Variants in ADRA1A observed in about 807,000 individuals in gnomAD.
ADRA1A encodes adrenoceptor alpha 1A, also known as alpha-1A adrenergic receptor.
A neutral mutation model predicts 29.6 loss-of-function variants in ADRA1A; 31 were observed. That is an observed-to-expected ratio of 1.05 (90% CI 0.79 to 1.41). The LOEUF (loss-of-function observed/expected upper bound fraction) is 1.41. Ranked by LOEUF, ADRA1A falls within the 40% of genes most tolerant of loss-of-function variation. ADRA1A has a pLI of 0.00. For missense variants in ADRA1A, 619 were observed against 601.1 expected (o/e 1.03, Z -0.31); for synonymous variants, 311 against 254.3 (o/e 1.22, Z -2.12).
chr8:26,805,298 T>C lies in ADRA1A; in HGVS notation c.884-34632A>G, dbSNP rs546661903. ...TTATTAATTGTGCTTTCTTACATTTTGAGTGTTATGAGCTAGACAGTAAGT... is the reference window on the plus strand; with the variant it reads ...TTATTAATTGTGCTTTCTTACATTTCGAGTGTTATGAGCTAGACAGTAAGT... On this transcript the variant is annotated intron_variant, in intron 2 of 2. Coordinates refer to ENST00000380573, the MANE Select transcript of ADRA1A (RefSeq NM_000680.4). This position sits in a 1 kb window ranked among gnomAD's most constrained non-coding sequence, Gnocchi z 4.8. 1.8e-4 allele frequency among the ~76,000 whole-genome samples: 28 copies of C among 152,336 alleles called. No individual in the cohort carries two copies. Among genetic ancestry groups the C allele is most frequent in the African/African-American group, 6.3e-4 (26 of 41,572 alleles).
intron 2 of ADRA1A, chr8:26,854,424 G>GT (rs1554512976): frequency 1.1e-5 from 1 of 93,618 alleles, no homozygotes; most frequent in African/African-American, 4.6e-5. Context: ...AAAGCGGGGC[G>GT]GGGGGGGGGA....
chr8:26,758,659 A>G (rs1805329712), intron 2 of ADRA1A, among the ~76,000 whole-genome samples: 1 of 152,190 alleles, frequency 6.6e-6, no homozygotes, highest in African/African-American at 2.4e-5. Context: ...TTCCCAGTCC[A>G]TCATCGGTCT....
chr8:26,759,898 TC>T (rs1805409299), intron 2 of ADRA1A, among the ~76,000 whole-genome samples: 1 of 152,206 alleles, frequency 6.6e-6, no homozygotes, highest in South Asian at 2.1e-4. Flanking sequence ...GATGTGATTT[TC>T]CCCCTGTCAT....
At position 26,864,429 on chromosome 8, in the gene ADRA1A, C is replaced by T; in HGVS notation, c.541G>A (p.Glu181Lys). 3 of 1,613,538 alleles carry T rather than the reference C, an allele frequency of 1.9e-6. No homozygotes were observed. Among genetic ancestry groups the T allele is most frequent in the Non-Finnish European group, 2.5e-6 (3 of 1,180,040 alleles). The change falls in exon 2 of 3, where the codon GAG becomes AAG. Residue 181 changes from glutamate to lysine, a missense_variant. Coordinates refer to ENST00000380573, the MANE Select transcript of ADRA1A (RefSeq NM_000680.4). This position sits in a 1 kb window ranked among gnomAD's most constrained non-coding sequence, Gnocchi z 8.1. Reference protein sequence around the residue: ...EDETICQINEEPGYVLFSALG... With the variant: ...EDETICQINEKPGYVLFSALG... The stretch of plus-strand genomic sequence containing the variant: ...GCTGAGAAGAGCACGTAGCCCGGCT[C>T]CTCGTTGATCTGGCAGATGGTCTCG...
intron 2 of ADRA1A, among the ~76,000 whole-genome samples, chr8:26,795,281 A>C (rs892065723): frequency 6.8e-6 from 1 of 146,068 alleles, no homozygotes; most frequent in Non-Finnish European, 1.5e-5. Context: ...ATGATGAGAC[A>C]ATGTGAGACT....
chr8:26,851,075 T>C (rs17056070), intron 2 of ADRA1A, among the ~76,000 whole-genome samples: 6,482 of 152,030 alleles, frequency 0.043, 232 homozygotes, highest in African/African-American at 0.1. Flanking sequence ...TAATATATAA[T>C]AGGAGGACAA....
At chr8:26,810,326 C>G (rs939127652) in intron 2 of ADRA1A, among the ~76,000 whole-genome samples, 1 of 152,124 alleles carries the variant, frequency 6.6e-6, no homozygotes, top group Non-Finnish European at 1.5e-5. Context: ...TGGGTTTTTT[C>G]CCTTGATCCG....
intron 2 of ADRA1A, among the ~76,000 whole-genome samples, chr8:26,784,000 A>G (rs1807188380): frequency 6.6e-6 from 1 of 151,922 alleles, no homozygotes; most frequent in South Asian, 2.1e-4. Flanking sequence ...CAATGGGGGG[A>G]ACAACATACA....
intron 2 of ADRA1A, among the ~76,000 whole-genome samples, chr8:26,795,254 T>C (rs1262573844): frequency 1.3e-5 from 2 of 151,066 alleles, no homozygotes; most frequent in Non-Finnish European, 2.9e-5. Flanking sequence ...CTAACTTAAA[T>C]GAACAACCAT....
In ADRA1A at chr8:26,865,238, C is replaced by A. The variant is rs909775633; in HGVS notation, c.-269G>T. The A allele has an allele frequency of 2.3e-5, 30 of 1,309,252 alleles. No homozygotes were observed. The highest frequency in any genetic ancestry group is 2.9e-5 in the Non-Finnish European group (30 of 1,029,568). 81.1% of individuals were successfully genotyped at this position (1,309,252 alleles called of 1,614,324 possible). A position where few individuals can be genotyped will look rare whatever the true frequency, so the allele number is the denominator to read the frequency against. On this transcript the variant is annotated 5_prime_UTR_variant, in exon 2 of 3. Coordinates refer to ENST00000380573, the MANE Select transcript of ADRA1A (RefSeq NM_000680.4). This position sits in a 1 kb window ranked among gnomAD's most constrained non-coding sequence, Gnocchi z 7.6. ...CCGGGGACCCTCTCCACCTGCCGGG[C>A]TGGCCTAGCCCGGGACCCGGACTCC...
At chr8:26,801,538 C>G (rs1808578427) in intron 2 of ADRA1A, among the ~76,000 whole-genome samples, 1 of 151,822 alleles carries the variant, frequency 6.6e-6, no homozygotes, top group Admixed American at 6.6e-5. Flanking sequence ...AAATAAAATA[C>G]CTAGGAATAA....
downstream of ADRA1A, chr8:26,766,063 A>G: frequency 6.2e-7 from 1 of 1,613,676 alleles, no homozygotes; most frequent in Non-Finnish European, 8.5e-7. Flanking sequence ...AGCATTCTGA[A>G]CCCTTTCTCC....
chr8:26,807,989 A>G (rs1419829484), intron 2 of ADRA1A, among the ~76,000 whole-genome samples: 1 of 152,196 alleles, frequency 6.6e-6, no homozygotes, highest in Non-Finnish European at 1.5e-5. Context: ...TGCATTCTGC[A>G]CTTATTTTTT....
intron 2 of ADRA1A, among the ~76,000 whole-genome samples, chr8:26,861,312 T>TTG (rs1006779193): frequency 6.0e-5 from 9 of 148,842 alleles, no homozygotes; most frequent in Non-Finnish European, 3.0e-5. Flanking sequence ...TGTTTTTTTT[T>TTG]TTTTTTTTTT....
At chr8:26,788,402 A>C (rs1807564192) in intron 2 of ADRA1A, among the ~76,000 whole-genome samples, 1 of 152,140 alleles carries the variant, frequency 6.6e-6, no homozygotes, top group African/African-American at 2.4e-5. Context: ...TTTAGAGAAA[A>C]AGCCTCCCAG....
At chr8:26,773,065 T>C (rs375642978) in intron 2 of ADRA1A, among the ~76,000 whole-genome samples, 16 of 152,310 alleles carry the variant, frequency 1.1e-4, no homozygotes, top group African/African-American at 3.8e-4. Flanking sequence ...CATGAAGAGT[T>C]ATGTGACTCT....
At chr8:26,863,846 C>T (rs1456001152) in intron 2 of ADRA1A, among the ~76,000 whole-genome samples, 1 of 152,196 alleles carries the variant, frequency 6.6e-6, no homozygotes, top group Non-Finnish European at 1.5e-5. Flanking sequence ...AATTAATCTG[C>T]ATCAGTTGGA....
At chr8:26,751,395 T>TTAA (rs937936919) in intron 2 of ADRA1A, among the ~76,000 whole-genome samples, 1 of 152,188 alleles carries the variant, frequency 6.6e-6, no homozygotes, top group African/African-American at 2.4e-5. Context: ...AACAGGAGAA[T>TTAA]TAATAATAAT....
At position 26,825,142 on chromosome 8, in the gene ADRA1A, C is replaced by T. The variant is rs532731164; in HGVS notation, c.883+38945G>A. Among the ~76,000 whole-genome samples, 5 of 152,178 alleles carry T rather than the reference C, an allele frequency of 3.3e-5. No homozygotes were observed. Among genetic ancestry groups the T allele is most frequent in the Non-Finnish European group, 7.3e-5 (5 of 68,034 alleles). Reference sequence around the variant, plus strand: ...CTGCATGCTCCAGAGAGACCCCCAGCCCCCACATGTCCCACCCTGAGCTTG... The same window carrying T: ...CTGCATGCTCCAGAGAGACCCCCAGTCCCCACATGTCCCACCCTGAGCTTG... On this transcript the variant is annotated intron_variant, in intron 2 of 2. Coordinates refer to ENST00000380573, the MANE Select transcript of ADRA1A (RefSeq NM_000680.4). This position sits in a 1 kb window ranked among gnomAD's most constrained non-coding sequence, Gnocchi z 5.7.
Sources: allele counts gnomAD v4.1 joint callset (sites outside exome capture counted in the v4.1 genomes callset), GRCh38; gene constraint gnomAD v4.1.1; non-coding constraint Gnocchi (gnomAD v3.1); transcripts MANE v1.5; gene names NCBI Gene and HGNC (gene_info 2026-07-23, HGNC 2026-07-21).